The following ZNRF3 variants were observed in gnomAD, a reference collection of about 807,000 sequenced individuals.
ZNRF3 encodes E3 ubiquitin-protein ligase ZNRF3.
ZNRF3 carries 23 observed loss-of-function variants against 72.5 expected under a neutral mutation model. The ratio of observed to expected loss-of-function variants is 0.32; its 90% CI spans 0.23 to 0.45. ZNRF3 has a LOEUF of 0.45. Ranked by LOEUF, ZNRF3 falls within the 20% of genes least tolerant of loss-of-function variation. ZNRF3 has a pLI of 1.00. For synonymous variants in ZNRF3, 610 were observed against 545.3 expected (o/e 1.12, Z -1.65); for missense variants, 1,169 against 1,272.1 (o/e 0.92, Z 1.23).
chr22:28,949,252 A>G (rs1569257505), intron 1 of ZNRF3, among the ~76,000 whole-genome samples: 1 of 151,882 alleles, frequency 6.6e-6, no homozygotes, highest in Non-Finnish European at 1.5e-5. Context: ...TGCTGGGATT[A>G]CAGGTGTGAG....
Position 29,048,532 on chromosome 22 carries a change from G to A in ZNRF3, c.1015+41G>A. The A allele has an allele frequency of 1.3e-6, 2 of 1,592,302 alleles. No individual in the cohort carries two copies. The highest frequency in any genetic ancestry group is 1.7e-6 in the Non-Finnish European group (2 of 1,160,364). On this transcript the variant is annotated intron_variant, in intron 7 of 8. Transcript: ENST00000544604. This position sits in a 1 kb window ranked among gnomAD's most constrained non-coding sequence, Gnocchi z 4.9. ...CTTAGCCATTGCTGAAGAGTCAAGT[G>A]CCTAGCTAGAGTGTGACACACACCG...
intron 1 of ZNRF3, among the ~76,000 whole-genome samples, chr22:28,944,442 G>A (rs2035008814): frequency 1.3e-5 from 2 of 151,944 alleles, no homozygotes; most frequent in Admixed American, 1.3e-4. Context: ...CTAACATGGT[G>A]AAACCCCGTC....
intron 1 of ZNRF3, among the ~76,000 whole-genome samples, chr22:28,946,797 G>C (rs2035060655): frequency 6.6e-6 from 1 of 152,182 alleles, no homozygotes; most frequent in Admixed American, 6.5e-5. Context: ...GGTGATGGCT[G>C]TTGATAGTTG....
chr22:29,050,093 A>G lies in ZNRF3; in HGVS notation c.1912A>G (p.Ser638Gly), dbSNP rs753565964. 2 of 1,608,440 alleles carry G rather than the reference A, an allele frequency of 1.2e-6. No homozygotes were observed. The highest frequency in any genetic ancestry group is 3.3e-5 in the Admixed American group (2 of 59,924). ...PPPEELPAVH[S>G]HGAGRGEPWP... The stretch of plus-strand genomic sequence containing the variant: ...TCCCGAGGAGCTCCCGGCGGTGCAC[A>G]GTCATGGTGCTGGGCGGGGCGAGCC... The change falls in exon 8 of 9, where the codon AGT becomes GGT. Residue 638 changes from serine to glycine, a missense_variant. By Grantham distance (56) the Ser-to-Gly change is moderately conservative. Coordinates refer to ENST00000544604, the MANE Select transcript of ZNRF3 (RefSeq NM_001206998.2).
rs57028204 is a variant in ZNRF3 at position 29,009,905 on chromosome 22, C to CTTTTTTT, written c.426+22717_426+22723dup. 1.6e-5 allele frequency among the ~76,000 whole-genome samples: 2 copies of CTTTTTTT among 123,566 alleles called. 1 individual carries two copies. 81.1% of individuals were successfully genotyped at this position (123,566 alleles called of 152,430 possible). Reference sequence around the variant, plus strand: ...CTGACCATCTCCAGAACTTTTTCCTCTTTTTTTTTTTTTTTTTTTGAGACA... The same window carrying CTTTTTTT: ...CTGACCATCTCCAGAACTTTTTCCTCTTTTTTTTTTTTTTTTTTTTTTTTTTGAGACA... On this transcript the variant is annotated intron_variant, in intron 2 of 8. Transcript: ENST00000544604.
intron 1 of ZNRF3, among the ~76,000 whole-genome samples, chr22:28,905,547 A>G (rs996120301): frequency 6.6e-6 from 1 of 152,216 alleles, no homozygotes; most frequent in Non-Finnish European, 1.5e-5. Context: ...CTTTGTACCA[A>G]TCAAAACAAA....
At chr22:29,029,602 T>A (rs1232356843) in intron 2 of ZNRF3, among the ~76,000 whole-genome samples, 1 of 151,842 alleles carries the variant, frequency 6.6e-6, no homozygotes, top group Non-Finnish European at 1.5e-5. Flanking sequence ...AATTTTAAAA[T>A]AACTGCGAAA....
At chr22:29,007,810 G>A (rs1248389589) in intron 2 of ZNRF3, among the ~76,000 whole-genome samples, 4 of 132,294 alleles carry the variant, frequency 3.0e-5, no homozygotes, top group Admixed American at 2.5e-4. Context: ...AGGCTGGAGT[G>A]CAATGGTGCG....
chr22:28,997,674 G>A (rs1288896706), intron 2 of ZNRF3, among the ~76,000 whole-genome samples: 4 of 151,928 alleles, frequency 2.6e-5, no homozygotes, highest in Non-Finnish European at 4.4e-5. Context: ...CTCTGCCTCC[G>A]TTTCTCCATA....
intron 2 of ZNRF3, among the ~76,000 whole-genome samples, chr22:29,036,133 G>A (rs761926806): frequency 6.6e-6 from 1 of 152,192 alleles, no homozygotes; most frequent in African/African-American, 2.4e-5. Context: ...GGGGGTAACA[G>A]ATGAGTTATT....
intron 2 of ZNRF3, among the ~76,000 whole-genome samples, chr22:29,037,256 C>T (rs2036883822): frequency 6.6e-6 from 1 of 152,162 alleles, no homozygotes; most frequent in African/African-American, 2.4e-5. Flanking sequence ...GGTATAACTA[C>T]ACACACTGGG....
At chr22:28,922,871 G>A (rs553807534) in intron 1 of ZNRF3, among the ~76,000 whole-genome samples, 144 of 152,224 alleles carry the variant, frequency 9.5e-4, no homozygotes, top group African/African-American at 3.3e-3. Flanking sequence ...TTACTCCTGA[G>A]TTAAACGTGT....
chr22:28,948,594 T>C (rs2035096337), intron 1 of ZNRF3, among the ~76,000 whole-genome samples: 1 of 152,276 alleles, frequency 6.6e-6, no homozygotes, highest in Admixed American at 6.5e-5. Context: ...ACCTAGTCTG[T>C]TGCAATATGC....
intron 2 of ZNRF3, chr22:29,031,576 C>T: frequency 1.0e-6 from 1 of 985,566 alleles, no homozygotes; most frequent in Non-Finnish European, 1.2e-6. Context: ...AGCCTGGTGC[C>T]TGGGTGGTCA....
At chr22:29,000,484 C>A (rs1437264514) in intron 2 of ZNRF3, among the ~76,000 whole-genome samples, 2 of 151,918 alleles carry the variant, frequency 1.3e-5, no homozygotes, top group African/African-American at 4.8e-5. Context: ...TAGTCATTTT[C>A]TTGGTGTTTT....
intron 1 of ZNRF3, among the ~76,000 whole-genome samples, chr22:28,983,170 C>G (rs542561990): frequency 6.6e-6 from 1 of 152,238 alleles, no homozygotes; most frequent in African/African-American, 2.4e-5. Context: ...ATGCCCTTGA[C>G]GGGGCTGATG....
chr22:29,004,511 A>G (rs1489401756), intron 2 of ZNRF3, among the ~76,000 whole-genome samples: 1 of 152,182 alleles, frequency 6.6e-6, no homozygotes, highest in Non-Finnish European at 1.5e-5. Flanking sequence ...AGTGTACCCG[A>G]AGCACGCCAG....
At chr22:28,923,881 G>T (rs2034550324) in intron 1 of ZNRF3, among the ~76,000 whole-genome samples, 2 of 152,280 alleles carry the variant, frequency 1.3e-5, no homozygotes, top group Non-Finnish European at 2.9e-5. Context: ...GGCTGGGTCT[G>T]GGGTGGAGCC....
chr22:28,884,054 C>A lies in ZNRF3; in HGVS notation c.288C>A (p.Gly96=). 8.0e-7 allele frequency: 1 copy of A among 1,257,208 alleles called. No homozygotes were observed. The highest frequency in any genetic ancestry group is 1.6e-5 in the African/African-American group (1 of 62,390). 77.9% of individuals were successfully genotyped at this position (1,257,208 alleles called of 1,614,324 possible). The change falls in exon 1 of 9, where the codon GGC becomes GGA. Residue 96 remains glycine (G), a synonymous_variant. Coordinates refer to ENST00000544604, the MANE Select transcript of ZNRF3 (RefSeq NM_001206998.2). Reference sequence around the variant, plus strand: ...CCGGGGCCACGCTCAGCGCCGAGGGCGAGATCGTGCAGGTAGCTGCCCGCC... The same window carrying A: ...CCGGGGCCACGCTCAGCGCCGAGGGAGAGATCGTGCAGGTAGCTGCCCGCC... ...SRAGATLSAE[G]EIVQMHPLGL...
Sources: allele counts gnomAD v4.1 joint callset (sites outside exome capture counted in the v4.1 genomes callset), GRCh38; gene constraint gnomAD v4.1.1; non-coding constraint Gnocchi (gnomAD v3.1); transcripts MANE v1.5; gene names NCBI Gene and HGNC (gene_info 2026-07-23, HGNC 2026-07-21).